The following CLSTN2 variants were observed in gnomAD, a reference collection of about 807,000 sequenced individuals.
The protein encoded by CLSTN2 is calsyntenin 2, also known as calsyntenin-2.
Under a neutral mutation model 101.2 loss-of-function variants are expected in CLSTN2, and 48 were observed. The observed-to-expected ratio is 0.47, with a 90% CI of 0.38 to 0.60. CLSTN2 has a LOEUF of 0.60. Among genes scored for constraint, CLSTN2 ranks in the 20% least tolerant of loss-of-function variants. CLSTN2 has a pLI of 0.00. For synonymous variants in CLSTN2, 481 were observed against 463.6 expected (o/e 1.04, Z -0.48); for missense variants, 1,160 against 1,238.2 (o/e 0.94, Z 0.95).
At chr3:140,251,705 C>T (rs2086566032) in intron 2 of CLSTN2, among the ~76,000 whole-genome samples, 1 of 150,802 alleles carries the variant, frequency 6.6e-6, no homozygotes, top group Non-Finnish European at 1.5e-5. Flanking sequence ...CAAGCCTATG[C>T]TTCATGCTGC....
chr3:140,310,719 T>C (rs776433308), intron 2 of CLSTN2, among the ~76,000 whole-genome samples: 1 of 152,234 alleles, frequency 6.6e-6, no homozygotes, highest in East Asian at 1.9e-4. Flanking sequence ...CATTGCATTC[T>C]ATTCTATTTC....
chr3:140,400,088 G>T (rs1187093761), intron 2 of CLSTN2, among the ~76,000 whole-genome samples: 1 of 152,068 alleles, frequency 6.6e-6, no homozygotes, highest in East Asian at 1.9e-4. Context: ...AGGGTTCCTT[G>T]GTTGTTCACA....
intron 2 of CLSTN2, among the ~76,000 whole-genome samples, chr3:140,246,572 T>G (rs1247341037): frequency 6.6e-6 from 1 of 152,164 alleles, no homozygotes; most frequent in African/African-American, 2.4e-5. Flanking sequence ...TTTCAGAGAA[T>G]GAGGATTTCA....
intron 2 of CLSTN2, among the ~76,000 whole-genome samples, chr3:140,184,855 TC>T (rs1473074340): frequency 4.6e-5 from 7 of 152,280 alleles, no homozygotes; most frequent in African/African-American, 1.7e-4. Flanking sequence ...ATGCAGCTCC[TC>T]TTGATCCAGA....
chr3:140,133,571 C>T (rs2009555164), intron 1 of CLSTN2, among the ~76,000 whole-genome samples: 1 of 152,144 alleles, frequency 6.6e-6, no homozygotes, highest in African/African-American at 2.4e-5. Context: ...TGGGAAGGCC[C>T]AGGTTCCTCC....
chr3:140,144,435 C>T (rs1172728939), intron 1 of CLSTN2, among the ~76,000 whole-genome samples: 1 of 152,020 alleles, frequency 6.6e-6, no homozygotes, highest in African/African-American at 2.4e-5. Flanking sequence ...TGCTGAAACC[C>T]CATCTCTACT....
At chr3:140,407,764 T>G (rs1199880497) in intron 4 of CLSTN2, among the ~76,000 whole-genome samples, 2 of 152,176 alleles carry the variant, frequency 1.3e-5, no homozygotes. Flanking sequence ...TAAGTAGAGC[T>G]TGGGTCCTCA....
At chr3:140,447,625 C>T (rs1428285792) in intron 5 of CLSTN2, among the ~76,000 whole-genome samples, 1 of 152,242 alleles carries the variant, frequency 6.6e-6, no homozygotes, top group Non-Finnish European at 1.5e-5. Flanking sequence ...TTCAGTAACT[C>T]ACAGTTCTGA....
chr3:140,160,458 A>G (rs2010027274), intron 1 of CLSTN2, among the ~76,000 whole-genome samples: 1 of 151,986 alleles, frequency 6.6e-6, no homozygotes, highest in Non-Finnish European at 1.5e-5. Context: ...CACCACCCAA[A>G]TGTTTCATGT....
chr3:140,284,198 T>TCACCAATGACATGTGAA (rs2086874166), intron 2 of CLSTN2, among the ~76,000 whole-genome samples: 1 of 152,186 alleles, frequency 6.6e-6, no homozygotes, highest in African/African-American at 2.4e-5. Context: ...GGTAGGATTT[T>TCACCAATGACATGTGAA]ATCAAAATAA....
At chr3:140,463,634 G>A (rs978096602) in intron 7 of CLSTN2, among the ~76,000 whole-genome samples, 1 of 152,122 alleles carries the variant, frequency 6.6e-6, no homozygotes, top group Non-Finnish European at 1.5e-5. Context: ...TCAAGTTTAG[G>A]GTACATGAAA....
chr3:140,040,644 T>A (rs1239682828), intron 1 of CLSTN2, among the ~76,000 whole-genome samples: 1 of 152,066 alleles, frequency 6.6e-6, no homozygotes, highest in African/African-American at 2.4e-5. Flanking sequence ...TGATGGCTTT[T>A]CCCATTGGTG....
intron 6 of CLSTN2, chr3:140,454,608 G>T (rs190005622): frequency 3.9e-5 from 6 of 152,294 alleles, no homozygotes; most frequent in East Asian, 1.9e-4. Flanking sequence ...ACAACTGACC[G>T]CAAACTTTCA....
At chr3:140,101,593 A>G (rs2008967242) in intron 1 of CLSTN2, among the ~76,000 whole-genome samples, 1 of 152,236 alleles carries the variant, frequency 6.6e-6, no homozygotes, top group African/African-American at 2.4e-5. Context: ...ACTAGTCAGA[A>G]TAGCCCAAGT....
At chr3:140,213,836 G>C (rs974554116) in intron 2 of CLSTN2, among the ~76,000 whole-genome samples, 13 of 152,090 alleles carry the variant, frequency 8.5e-5, no homozygotes, top group Admixed American at 8.5e-4. Context: ...GCCCTGCTCT[G>C]TATCAGTGAG....
chr3:140,508,128 C>G (rs1305743694), intron 8 of CLSTN2: 1 of 152,242 alleles, frequency 6.6e-6, no homozygotes, highest in Admixed American at 6.5e-5. Context: ...TATGGGGACT[C>G]ACTCATATCT....
At chr3:140,134,689 G>A (rs777704710) in intron 1 of CLSTN2, among the ~76,000 whole-genome samples, 6 of 152,096 alleles carry the variant, frequency 3.9e-5, no homozygotes, top group Non-Finnish European at 8.8e-5. Flanking sequence ...TCTCAACACA[G>A]CATAGAGGCC....
At chr3:140,226,507 A>G (rs1174049006) in intron 2 of CLSTN2, among the ~76,000 whole-genome samples, 2 of 152,238 alleles carry the variant, frequency 1.3e-5, no homozygotes, top group Non-Finnish European at 2.9e-5. Flanking sequence ...AGATGGATAG[A>G]TATGGGATAA....
intron 1 of CLSTN2, among the ~76,000 whole-genome samples, chr3:139,993,325 G>T (rs1936147538): frequency 6.6e-6 from 1 of 152,062 alleles, no homozygotes. Flanking sequence ...GATTCATGTG[G>T]TTCTAGATCC....
Sources: gnomAD v4.1 joint callset for allele counts (sites outside exome capture counted in the v4.1 genomes callset) on GRCh38, gnomAD v4.1.1 for gene constraint, MANE v1.5 for transcripts, NCBI Gene and HGNC (gene_info 2026-07-23, HGNC 2026-07-21) for gene names.